The following KIAA1217 variants were observed in gnomAD, a reference collection of about 807,000 sequenced individuals.
KIAA1217 encodes the protein KIAA1217.
In KIAA1217, 88 loss-of-function variants were observed where a neutral mutation model predicts 163.9. The ratio of observed to expected loss-of-function variants is 0.54; its 90% CI spans 0.45 to 0.64. KIAA1217 has a LOEUF of 0.64. Among genes scored for constraint, KIAA1217 ranks in the 30% least tolerant of loss-of-function variants. The pLI is 0.00. For missense variants in KIAA1217, 2,372 were observed against 2,475.0 expected (o/e 0.96, Z 0.88); for synonymous variants, 903 against 923.1 (o/e 0.98, Z 0.39).
At chr10:24,288,897 T>C (rs1051067278) in intron 2 of KIAA1217, among the ~76,000 whole-genome samples, 1 of 152,148 alleles carries the variant, frequency 6.6e-6, no homozygotes, top group Non-Finnish European at 1.5e-5. Context: ...AAGTGACATA[T>C]CAAATTTGCA....
At chr10:24,022,555 T>C (rs1847779631) in intron 2 of KIAA1217, among the ~76,000 whole-genome samples, 1 of 151,782 alleles carries the variant, frequency 6.6e-6, no homozygotes, top group Non-Finnish European at 1.5e-5. Flanking sequence ...GTTTGGCAAT[T>C]CCTTACCAAG....
chr10:23,855,854 C>A (rs182592401), intron 1 of KIAA1217, among the ~76,000 whole-genome samples: 1 of 152,186 alleles, frequency 6.6e-6, no homozygotes, highest in Non-Finnish European at 1.5e-5. Context: ...CCTTGGCTTT[C>A]GGCTCCATCA....
At chr10:24,520,591 C>A (rs1208020897) in intron 11 of KIAA1217, among the ~76,000 whole-genome samples, 6 of 137,184 alleles carry the variant, frequency 4.4e-5, no homozygotes, top group Non-Finnish European at 7.6e-5. Context: ...GAGTTCAAGA[C>A]CAGCCTGGGC....
chr10:24,277,551 A>G (rs2077443907), intron 2 of KIAA1217, among the ~76,000 whole-genome samples: 1 of 152,190 alleles, frequency 6.6e-6, no homozygotes, highest in African/African-American at 2.4e-5. Flanking sequence ...GGTGGGAGGT[A>G]ATTGAATCAT....
intron 5 of KIAA1217, among the ~76,000 whole-genome samples, chr10:24,441,197 AC>A (rs1448722482): frequency 5.9e-5 from 9 of 152,268 alleles, no homozygotes; most frequent in African/African-American, 9.6e-5. Flanking sequence ...CTAACTACTC[AC>A]ATGAGTCAGT....
chr10:24,258,768 ATT>A (rs1230598831), intron 2 of KIAA1217, among the ~76,000 whole-genome samples: 1 of 151,302 alleles, frequency 6.6e-6, no homozygotes, highest in East Asian at 2.0e-4. Context: ...AATTTTTTGT[ATT>A]TTTTAGTAGA....
intron 1 of KIAA1217, among the ~76,000 whole-genome samples, chr10:23,757,180 A>T (rs1037779571): frequency 2.0e-5 from 3 of 152,102 alleles, no homozygotes; most frequent in Non-Finnish European, 2.9e-5. Flanking sequence ...TTCTATGAAC[A>T]TGTCTGTGGA....
rs180926507 is a variant in KIAA1217 at position 24,338,987 on chromosome 10, G to T, written c.355-41882G>T. On this transcript the variant is annotated intron_variant, in intron 2 of 20. Transcript: ENST00000376454. ...GACTTACATTGAAATCCTGGTTTATGCATGAACTAGCAAGTTTTTGAAGCT... is the reference window on the plus strand; with the variant it reads ...GACTTACATTGAAATCCTGGTTTATTCATGAACTAGCAAGTTTTTGAAGCT... 4.2e-3 allele frequency among the ~76,000 whole-genome samples: 633 copies of T among 152,230 alleles called. 3 individuals are homozygous for T. Among genetic ancestry groups the T allele is most frequent in the Non-Finnish European group, 6.1e-3 (416 of 68,004 alleles).
chr10:23,906,960 C>G (rs1056767294), intron 1 of KIAA1217, among the ~76,000 whole-genome samples: 2 of 152,002 alleles, frequency 1.3e-5, no homozygotes, highest in African/African-American at 4.8e-5. Context: ...TTATAAGAAG[C>G]AAAACTACCT....
chr10:24,209,342 C>A, intron 1 of KIAA1217, 79 bp downstream of exon 1: 2 of 1,022,354 alleles, frequency 2.0e-6, no homozygotes, highest in Non-Finnish European at 1.5e-6. Context: ...TAAACTGCAG[C>A]TCTGGGACCC....
intron 2 of KIAA1217, among the ~76,000 whole-genome samples, chr10:24,091,702 T>C (rs1428484809): frequency 1.3e-5 from 2 of 151,802 alleles, no homozygotes; most frequent in Non-Finnish European, 2.9e-5. Context: ...GGATAAATAG[T>C]AACAATCTGC....
chr10:24,060,047 T>A (rs2060663543), intron 2 of KIAA1217, among the ~76,000 whole-genome samples: 1 of 152,182 alleles, frequency 6.6e-6, no homozygotes, highest in Non-Finnish European at 1.5e-5. Context: ...GACTCCTTTT[T>A]TATTTCTGAT....
intron 3 of KIAA1217, among the ~76,000 whole-genome samples, chr10:24,394,731 C>G (rs1427576209): frequency 6.6e-6 from 1 of 152,178 alleles, no homozygotes; most frequent in Admixed American, 6.5e-5. Context: ...CCCTGCCGCT[C>G]TCTGCTTTGA....
At chr10:23,917,616 C>T (rs1448656174) in intron 1 of KIAA1217, among the ~76,000 whole-genome samples, 1 of 152,138 alleles carries the variant, frequency 6.6e-6, no homozygotes, top group Admixed American at 6.6e-5. Context: ...GATGTCATTT[C>T]CCAGAGCTAG....
At chr10:23,738,674 A>C (rs550191034) in intron 1 of KIAA1217, among the ~76,000 whole-genome samples, 5 of 152,214 alleles carry the variant, frequency 3.3e-5, no homozygotes, top group Non-Finnish European at 7.4e-5. Context: ...GAGGAGGCAG[A>C]TGATTTTCCT....
At chr10:24,322,402 G>A (rs1354209978) in intron 2 of KIAA1217, among the ~76,000 whole-genome samples, 3 of 152,184 alleles carry the variant, frequency 2.0e-5, no homozygotes, top group African/African-American at 4.8e-5. Context: ...CACAAGTGGT[G>A]TAACCAATGT....
chr10:24,484,666 C>T (rs2065163721), intron 6 of KIAA1217, among the ~76,000 whole-genome samples: 1 of 151,938 alleles, frequency 6.6e-6, no homozygotes, highest in South Asian at 2.1e-4. Context: ...CTTAAGCAAG[C>T]CTCCCCCACC....
intron 2 of KIAA1217, among the ~76,000 whole-genome samples, chr10:24,022,276 C>T (rs2131515688): frequency 1.3e-5 from 2 of 151,594 alleles, no homozygotes; most frequent in South Asian, 4.2e-4. Context: ...CCACACAACT[C>T]AATTTAAAAG....
chr10:24,111,289 C>T (rs895078964), intron 2 of KIAA1217, among the ~76,000 whole-genome samples: 5 of 152,214 alleles, frequency 3.3e-5, no homozygotes, highest in Non-Finnish European at 5.9e-5. Flanking sequence ...TTCAATTCTG[C>T]CTAATAAAGG....
Sources: allele counts gnomAD v4.1 joint callset (sites outside exome capture counted in the v4.1 genomes callset), GRCh38; gene constraint gnomAD v4.1.1; transcripts MANE v1.5; gene names NCBI Gene and HGNC (gene_info 2026-07-23, HGNC 2026-07-21).